The following ANO3 variants were observed in gnomAD, a reference collection of about 807,000 sequenced individuals.
ANO3 encodes the protein anoctamin 3, also known as anoctamin-3.
Under a neutral mutation model 144.8 loss-of-function variants are expected in ANO3, and 99 were observed. The observed-to-expected ratio is 0.68, with a 90% CI of 0.58 to 0.81. ANO3 has a LOEUF of 0.81. Among genes scored for constraint, ANO3 ranks in the 30% least tolerant of loss-of-function variants. The pLI, the probability that ANO3 is intolerant of heterozygous loss-of-function variation, is 0.00. For missense variants in ANO3, 905 were observed against 1,202.2 expected (o/e 0.75, Z 3.66); for synonymous variants, 414 against 392.6 (o/e 1.05, Z -0.64).
rs368946043 is a variant in ANO3 at position 26,607,071 on chromosome 11, A to G, written c.1836+7357A>G. 2.6e-5 allele frequency among the ~76,000 whole-genome samples: 4 copies of G among 152,166 alleles called. No homozygotes were observed. The South Asian group carries it at 8.3e-4, about 31-fold the overall frequency. Reference sequence around the variant, plus strand: ...ATGAAATTCCATATGATATTATATGAAATTGTTTTGAAAATTCTTTAAGAA... The same window carrying G: ...ATGAAATTCCATATGATATTATATGGAATTGTTTTGAAAATTCTTTAAGAA... On this transcript the variant is annotated intron_variant, in intron 17 of 26. Transcript: ENST00000256737.
chr11:26,465,943 G>T (rs1859587757), intron 4 of ANO3, among the ~76,000 whole-genome samples: 2 of 151,864 alleles, frequency 1.3e-5, no homozygotes, highest in Non-Finnish European at 2.9e-5. Flanking sequence ...ACAATGCATT[G>T]TATCTTTAGA....
chr11:26,229,610 T>A (rs1190720137), intron 1 of ANO3, among the ~76,000 whole-genome samples: 1 of 152,206 alleles, frequency 6.6e-6, no homozygotes, highest in Non-Finnish European at 1.5e-5. Context: ...GAACATACTG[T>A]TATTTTTATA....
intron 3 of ANO3, among the ~76,000 whole-genome samples, chr11:26,453,061 A>C (rs1301280311): frequency 6.6e-6 from 1 of 151,968 alleles, no homozygotes; most frequent in Non-Finnish European, 1.5e-5. Flanking sequence ...GCCTGCCCTA[A>C]AAGAGCTCCT....
intron 3 of ANO3, among the ~76,000 whole-genome samples, chr11:26,456,968 C>G (rs1032631558): frequency 6.6e-6 from 1 of 150,446 alleles, no homozygotes; most frequent in Non-Finnish European, 1.5e-5. Context: ...AGTAAACTAT[C>G]GCAACAACAA....
At chr11:26,514,834 T>C (rs1259012482) in intron 5 of ANO3, among the ~76,000 whole-genome samples, 1 of 152,084 alleles carries the variant, frequency 6.6e-6, no homozygotes, top group Non-Finnish European at 1.5e-5. Flanking sequence ...ACACTTTACG[T>C]TTTAAAAAGT....
intron 14 of ANO3, among the ~76,000 whole-genome samples, chr11:26,587,885 G>A (rs1851331964): frequency 6.7e-6 from 1 of 148,992 alleles, no homozygotes; most frequent in African/African-American, 2.5e-5. Context: ...GAACCCAAGA[G>A]GCAGAGGTTG....
intron 24 of ANO3, among the ~76,000 whole-genome samples, chr11:26,650,959 T>C (rs1366251596): frequency 6.6e-6 from 1 of 152,226 alleles, no homozygotes; most frequent in Non-Finnish European, 1.5e-5. Flanking sequence ...AGAAAATAAT[T>C]GCTATATTTA....
chr11:26,213,784 T>C (rs1367901227), intron 1 of ANO3, among the ~76,000 whole-genome samples: 1 of 151,930 alleles, frequency 6.6e-6, no homozygotes, highest in Non-Finnish European at 1.5e-5. Flanking sequence ...CTACTTTAAG[T>C]TTTTGACTTT....
At chr11:26,489,646 G>T (rs967022996) in intron 4 of ANO3, among the ~76,000 whole-genome samples, 34 of 152,202 alleles carry the variant, frequency 2.2e-4, no homozygotes, top group African/African-American at 8.2e-4. Flanking sequence ...AGGCAGAACT[G>T]CCCAAGACTG....
At chr11:26,600,248 C>T (rs1277585078) in intron 17 of ANO3, among the ~76,000 whole-genome samples, 1 of 113,844 alleles carries the variant, frequency 8.8e-6, no homozygotes, top group Non-Finnish European at 2.0e-5. Context: ...CCTTTCCTCT[C>T]CTCTCCTCTC....
At chr11:26,239,424 C>T (rs541812241) in intron 1 of ANO3, among the ~76,000 whole-genome samples, 3 of 152,174 alleles carry the variant, frequency 2.0e-5, no homozygotes, top group South Asian at 4.1e-4. Flanking sequence ...ATTGTAAATG[C>T]CAAGTAGTCC....
chr11:26,285,851 G>A (rs1853795116), intron 1 of ANO3: 3 of 152,140 alleles, frequency 2.0e-5, no homozygotes, highest in South Asian at 4.1e-4. Flanking sequence ...TTCATGCCAT[G>A]GAAAGGTATG....
At chr11:26,500,354 G>A (rs1590422621) in intron 4 of ANO3, among the ~76,000 whole-genome samples, 2 of 152,106 alleles carry the variant, frequency 1.3e-5, no homozygotes, top group Admixed American at 1.3e-4. Flanking sequence ...GTAACTTTAT[G>A]TTTAATACTA....
chr11:26,646,269 TA>T (rs1332923746), intron 23 of ANO3, among the ~76,000 whole-genome samples: 1 of 152,158 alleles, frequency 6.6e-6, no homozygotes, highest in Non-Finnish European at 1.5e-5. Context: ...TGATACACCA[TA>T]AATTTTATAA....
chr11:26,532,416 A>T (rs111904110), intron 8 of ANO3, among the ~76,000 whole-genome samples: 11 of 152,034 alleles, frequency 7.2e-5, no homozygotes, highest in African/African-American at 2.7e-4. Context: ...CTTTTTTTTT[A>T]AACCCTGAAA....
At chr11:26,472,476 C>T (rs1240174601) in intron 4 of ANO3, among the ~76,000 whole-genome samples, 1 of 151,834 alleles carries the variant, frequency 6.6e-6, no homozygotes, top group East Asian at 1.9e-4. Context: ...TATCACACAG[C>T]TGGTAAGGAG....
intron 1 of ANO3, among the ~76,000 whole-genome samples, chr11:26,440,597 G>A (rs891220787): frequency 1.3e-5 from 2 of 152,074 alleles, no homozygotes; most frequent in African/African-American, 4.8e-5. Flanking sequence ...GGTACAATAA[G>A]GATATCTACT....
chr11:26,610,470 G>T (rs1436194766), intron 17 of ANO3, among the ~76,000 whole-genome samples: 1 of 151,724 alleles, frequency 6.6e-6, no homozygotes, highest in East Asian at 1.9e-4. Flanking sequence ...ATATATAGTT[G>T]CAAATATTTT....
intron 1 of ANO3, among the ~76,000 whole-genome samples, chr11:26,240,665 A>T (rs117395099): frequency 0.01 from 1,525 of 152,134 alleles, 14 homozygotes; most frequent in Middle Eastern, 0.017. Context: ...CCCATTTCAT[A>T]AAAAAAATTT....
Sources: allele counts gnomAD v4.1 joint callset (sites outside exome capture counted in the v4.1 genomes callset), GRCh38; gene constraint gnomAD v4.1.1; transcripts MANE v1.5; gene names NCBI Gene and HGNC (gene_info 2026-07-23, HGNC 2026-07-21).